Variants in HRH1 observed in about 807,000 individuals in gnomAD.
HRH1 encodes the protein histamine H1 receptor.
A neutral mutation model predicts 10.3 loss-of-function variants in HRH1; 6 were observed. The ratio of observed to expected loss-of-function variants is 0.58; its 90% CI spans 0.32 to 1.15. The LOEUF (loss-of-function observed/expected upper bound fraction) is 1.15, where lower values mean the gene tolerates loss of function less well. HRH1 is among the 50% of genes most tolerant of loss of function. The probability of loss-of-function intolerance (pLI) is 0.05; values close to 1 mark genes in which losing one functional copy is unlikely to be tolerated. For missense variants in HRH1, 514 were observed against 615.3 expected, an observed-to-expected ratio of 0.84 and a Z score of 1.74; for synonymous variants, 242 against 236.7, an observed-to-expected ratio of 1.02 and a Z score of -0.21.
intron 1 of HRH1, among the ~76,000 whole-genome samples, chr3:11,144,132 A>T (rs1339318294): frequency 6.6e-6 from 1 of 152,076 alleles, no homozygotes; most frequent in Non-Finnish European, 1.5e-5. Flanking sequence ...CTCTATGGAA[A>T]CCAGTATGGA....
chr3:11,222,708 AGTGGCCCCCTAGACCC>A (rs1298964898), intron 1 of HRH1, among the ~76,000 whole-genome samples: 2 of 152,074 alleles, frequency 1.3e-5, no homozygotes, highest in African/African-American at 4.8e-5. Context: ...AGGCAGAACT[AGTGGCCCCCTAGACCC>A]AGGGGGCGTT....
intron 1 of HRH1, among the ~76,000 whole-genome samples, chr3:11,167,704 T>A (rs1323130628): frequency 6.6e-6 from 1 of 152,256 alleles, no homozygotes; most frequent in African/African-American, 2.4e-5. Context: ...TCAGCAGGTA[T>A]CCACTTGGCT....
At chr3:11,157,003 A>G (rs773296806) in intron 1 of HRH1, among the ~76,000 whole-genome samples, 3 of 152,262 alleles carry the variant, frequency 2.0e-5, no homozygotes, top group Non-Finnish European at 4.4e-5. Context: ...CTAGACACTC[A>G]GCAAACGCTG....
At chr3:11,187,544 G>C (rs1410313990) in intron 1 of HRH1, among the ~76,000 whole-genome samples, 1 of 152,256 alleles carries the variant, frequency 6.6e-6, no homozygotes, top group East Asian at 1.9e-4. Flanking sequence ...AGGGTTTCTG[G>C]GAAGGTCAGA....
intron 1 of HRH1, among the ~76,000 whole-genome samples, chr3:11,243,588 G>C (rs1347059922): frequency 6.6e-6 from 1 of 152,174 alleles, no homozygotes; most frequent in Admixed American, 6.5e-5. Flanking sequence ...TTACACCTTG[G>C]CCCCAGCGTG....
At position 11,184,691 on chromosome 3, in the gene HRH1, G is replaced by A. The variant is rs371834745; in HGVS notation, c.-36+30137G>A. 5.9e-4 allele frequency among the ~76,000 whole-genome samples: 90 copies of A among 152,126 alleles called. 2 individuals carry two copies. The South Asian group carries it at 0.016, about 27-fold the overall frequency. On this transcript the variant is annotated intron_variant, in intron 1 of 1. Transcript: ENST00000431010. ...AATAGTTTGGGAGGCCGAGGCGGGC[G>A]GATCACCTGAGGTCAGGAGTTCAAG...
chr3:11,142,284 A>G (rs1020000125), intron 1 of HRH1, among the ~76,000 whole-genome samples: 1 of 152,210 alleles, frequency 6.6e-6, no homozygotes. Context: ...TTTGTAGGAC[A>G]CCTTTGACAA....
At chr3:11,244,400 A>G (rs988019073) in intron 1 of HRH1, among the ~76,000 whole-genome samples, 1 of 152,240 alleles carries the variant, frequency 6.6e-6, no homozygotes, top group African/African-American at 2.4e-5. Flanking sequence ...GCAGAGTTCT[A>G]GTCTTAGACA....
At chr3:11,243,647 C>T (rs929645952) in intron 1 of HRH1, among the ~76,000 whole-genome samples, 2 of 152,234 alleles carry the variant, frequency 1.3e-5, no homozygotes, top group African/African-American at 2.4e-5. Flanking sequence ...AATGACTCCT[C>T]CCAATTCCTC....
At chr3:11,166,924 A>ATG (rs1937049262) in intron 1 of HRH1, among the ~76,000 whole-genome samples, 1 of 6,712 alleles carries the variant, frequency 1.5e-4, no homozygotes, top group Non-Finnish European at 3.2e-4. Flanking sequence ...CCAGGCCCGC[A>ATG]ACATCTCCTT....
intron 1 of HRH1, among the ~76,000 whole-genome samples, chr3:11,166,453 C>A (rs577002568): frequency 1.1e-3 from 161 of 152,366 alleles, no homozygotes; most frequent in African/African-American, 3.6e-3. Flanking sequence ...TCCTGCAGAA[C>A]AGAGCAGACA....
Position 11,259,569 on chromosome 3 carries a change from G to A in HRH1, c.532G>A (p.Asp178Asn), listed in dbSNP as rs1230924473. 1 of 1,614,032 alleles carries A rather than the reference G, an allele frequency of 6.2e-7. No individual in the cohort carries two copies. The highest frequency in any genetic ancestry group is 2.2e-5 in the East Asian group (1 of 44,868). ...GCAGCAGACCTCGGTGCGCCGAGAG[G>A]ACAAGTGTGAGACAGACTTCTATGA... Reference protein sequence around the residue: ...FMQQTSVRREDKCETDFYDVT... With the variant: ...FMQQTSVRRENKCETDFYDVT... The change falls in exon 2 of 2, where the codon GAC becomes AAC. Residue 178 changes from aspartate to asparagine, a missense_variant. Physicochemically the swap from Asp to Asn is conservative, Grantham distance 23. Transcript: ENST00000431010. This position sits in a 1 kb window ranked among gnomAD's most constrained non-coding sequence, Gnocchi z 4.6.
chr3:11,191,409 TCC>T (rs1163787621), intron 1 of HRH1, among the ~76,000 whole-genome samples: 11 of 152,082 alleles, frequency 7.2e-5, no homozygotes, highest in Admixed American at 6.6e-5. Flanking sequence ...AAGACCCACC[TCC>T]CCCTCTTCCC....
At chr3:11,174,408 G>A (rs762516234) in intron 1 of HRH1, among the ~76,000 whole-genome samples, 4 of 152,158 alleles carry the variant, frequency 2.6e-5, no homozygotes, top group Non-Finnish European at 4.4e-5. Context: ...CTTGAGGGAA[G>A]AATCAGAACT....
chr3:11,186,488 A>G (rs374650935), intron 1 of HRH1, among the ~76,000 whole-genome samples: 12 of 152,314 alleles, frequency 7.9e-5, no homozygotes, highest in South Asian at 6.2e-4. Flanking sequence ...CTGAGGCCCC[A>G]AGAGGTGAGC....
At chr3:11,213,046 C>A (rs1938379025) in intron 1 of HRH1, among the ~76,000 whole-genome samples, 1 of 152,154 alleles carries the variant, frequency 6.6e-6, no homozygotes, top group African/African-American at 2.4e-5. Flanking sequence ...TCACCTTGAC[C>A]ACCCTATATA....
intron 1 of HRH1, among the ~76,000 whole-genome samples, chr3:11,218,509 G>C (rs976290275): frequency 6.6e-6 from 1 of 152,074 alleles, no homozygotes; most frequent in African/African-American, 2.4e-5. Context: ...CAGGACAGTG[G>C]TTTCTTGTGG....
chr3:11,249,744 T>C lies in HRH1; in HGVS notation c.-35-9259T>C, dbSNP rs1939587459. 2.0e-5 allele frequency among the ~76,000 whole-genome samples: 3 copies of C among 152,332 alleles called. No individual in the cohort carries two copies. In the South Asian group the frequency reaches 6.2e-4, roughly 32 times the overall value. On this transcript the variant is annotated intron_variant, in intron 1 of 1. Coordinates refer to ENST00000431010, the MANE Select transcript of HRH1 (RefSeq NM_001098212.2). ...ATTGGACCAACTGTGGCAGAGATGC[T>C]GAGGCTCTGCTTTAGGAGGACAAGT...
chr3:11,210,416 G>C (rs1216489254), intron 1 of HRH1, among the ~76,000 whole-genome samples: 3 of 151,916 alleles, frequency 2.0e-5, no homozygotes, highest in African/African-American at 7.3e-5. Context: ...AAATAAATGG[G>C]GTTAATAATC....
Sources: allele counts gnomAD v4.1 joint callset (sites outside exome capture counted in the v4.1 genomes callset), GRCh38; gene constraint gnomAD v4.1.1; non-coding constraint Gnocchi (gnomAD v3.1); transcripts MANE v1.5; gene names NCBI Gene and HGNC (gene_info 2026-07-23, HGNC 2026-07-21).